Variants in LGSN observed in about 807,000 individuals in gnomAD.
The protein encoded by LGSN is lengsin.
Under a neutral mutation model 19.5 loss-of-function variants are expected in LGSN, and 21 were observed. The ratio of observed to expected loss-of-function variants is 1.07; its 90% confidence interval spans 0.76 to 1.55. LGSN has a LOEUF of 1.55. Ranked by LOEUF, LGSN falls within the 40% of genes most tolerant of loss-of-function variation. LGSN has a pLI of 0.00. For missense variants in LGSN, 673 were observed against 608.5 expected, an observed-to-expected ratio of 1.11 and a Z score of -1.12; for synonymous variants, 257 against 215.6, an observed-to-expected ratio of 1.19 and a Z score of -1.68.
the LGSN span, chr6:63,571,046 T>G: frequency 6.6e-6 from 1 of 152,230 alleles, no homozygotes; most frequent in Non-Finnish European, 1.5e-5. Context: ...GACATATTTC[T>G]CAAGTGTGCT....
At chr6:63,281,307 A>ATATATG (rs1767309202) in intron 3 of LGSN, 87 bp from the exon 4 acceptor site, 2 of 158,224 alleles carry the variant, frequency 1.3e-5, no homozygotes. Context: ...TAATGAAAAT[A>ATATATG]TATATATATA....
chr6:63,366,417 C>A, the LGSN span, among the ~76,000 whole-genome samples: 1 of 152,122 alleles, frequency 6.6e-6, no homozygotes, highest in Non-Finnish European at 1.5e-5. Flanking sequence ...GAACTACAAA[C>A]CACTGCTCAA....
intron 1 of LGSN, among the ~76,000 whole-genome samples, chr6:63,316,239 C>T (rs562988133): frequency 3.3e-5 from 5 of 152,184 alleles, no homozygotes; most frequent in East Asian, 1.9e-4. Flanking sequence ...GATAGAGCAA[C>T]GATCATTACT....
the LGSN span, among the ~76,000 whole-genome samples, chr6:63,477,676 C>CT: frequency 3.4e-5 from 2 of 58,436 alleles, no homozygotes; most frequent in Non-Finnish European, 7.6e-5. Context: ...TCTTCTTCTT[C>CT]TTCTTTTTTT....
chr6:63,412,543 A>AGAGAGAGAAGAAAGAG, the LGSN span, among the ~76,000 whole-genome samples: 27 of 139,450 alleles, frequency 1.9e-4, no homozygotes, highest in African/African-American at 7.2e-4. Flanking sequence ...AGAAAGAAAG[A>AGAGAGAGAAGAAAGAG]AAGAAAGAAA....
the LGSN span, among the ~76,000 whole-genome samples, chr6:63,549,899 T>C: frequency 1.3e-5 from 2 of 152,160 alleles, no homozygotes; most frequent in Admixed American, 1.3e-4. Context: ...TCTGTAGCAT[T>C]GTAAGATGCC....
At chr6:63,289,741 A>C (rs1481833699) in intron 2 of LGSN, among the ~76,000 whole-genome samples, 1 of 152,222 alleles carries the variant, frequency 6.6e-6, no homozygotes, top group Non-Finnish European at 1.5e-5. Flanking sequence ...AGCCATGGTC[A>C]CATATAAAAG....
At position 63,295,593 on chromosome 6, in the gene LGSN, G is replaced by A. The variant is rs115609500; in HGVS notation, c.31-548C>T. ...ATTCATAAAGTGCTATTTTGTGACT[G>A]TATTTTATATGTGTAAAACAAACAT... On this transcript the variant is annotated intron_variant, in intron 1 of 3. Coordinates refer to ENST00000370657, the MANE Select transcript of LGSN (RefSeq NM_016571.3). Among the ~76,000 whole-genome samples the A allele has an allele frequency of 2.9e-3, 448 of 152,252 alleles. 3 individuals carry two copies. Among genetic ancestry groups the A allele is most frequent in the African/African-American group, 0.01 (424 of 41,546 alleles).
the LGSN span, among the ~76,000 whole-genome samples, chr6:63,455,206 A>G: frequency 6.6e-6 from 1 of 152,344 alleles, no homozygotes; most frequent in African/African-American, 2.4e-5. Context: ...GCTATGTGAG[A>G]CATGCAAACT....
Position 63,313,875 on chromosome 6 carries a change from C to A in LGSN, c.30+6039G>T, listed in dbSNP as rs528184272. On this transcript the variant is annotated intron_variant, in intron 1 of 3. Coordinates refer to ENST00000370657, the MANE Select transcript of LGSN (RefSeq NM_016571.3). ...AAATAAATAAATAAATAAATACATA[C>A]ATACATACATACATACATGCATACA... Among the ~76,000 whole-genome samples, 12 of 151,204 alleles carry A rather than the reference C, an allele frequency of 7.9e-5. 1 individual carries two copies. The highest frequency in any genetic ancestry group is 2.7e-4 in the African/African-American group (11 of 41,196).
chr6:63,392,881 C>CTTTTTTT, the LGSN span, among the ~76,000 whole-genome samples: 213 of 109,908 alleles, frequency 1.9e-3, no homozygotes, highest in African/African-American at 3.1e-3. Flanking sequence ...TCTTCTTCTT[C>CTTTTTTT]TTTTTTTTTT....
the LGSN span, among the ~76,000 whole-genome samples, chr6:63,350,736 C>T: frequency 2.0e-5 from 3 of 152,088 alleles, no homozygotes; most frequent in South Asian, 4.1e-4. Flanking sequence ...CCTGTAATCT[C>T]AGCTATTCAG....
the LGSN span, among the ~76,000 whole-genome samples, chr6:63,329,837 G>A: frequency 6.6e-6 from 1 of 152,224 alleles, no homozygotes; most frequent in South Asian, 2.1e-4. Context: ...AAAGAGCAAA[G>A]TCTCCCAATT....
At chr6:63,436,291 G>C in the LGSN span, among the ~76,000 whole-genome samples, 1 of 152,016 alleles carries the variant, frequency 6.6e-6, no homozygotes, top group East Asian at 1.9e-4. Context: ...TTATAGAGAC[G>C]GGTTTTCACC....
chr6:63,481,568 A>T, the LGSN span, among the ~76,000 whole-genome samples: 3 of 151,464 alleles, frequency 2.0e-5, no homozygotes, highest in African/African-American at 7.3e-5. Flanking sequence ...GGATGGTGTC[A>T]ATCTCCTGAC....
At chr6:63,552,664 T>C in the LGSN span, among the ~76,000 whole-genome samples, 3 of 152,226 alleles carry the variant, frequency 2.0e-5, no homozygotes, top group Non-Finnish European at 2.9e-5. Context: ...TTTTATGGTT[T>C]TAGTTCTAAC....
the LGSN span, among the ~76,000 whole-genome samples, chr6:63,410,239 G>A: frequency 6.6e-6 from 1 of 152,036 alleles, no homozygotes; most frequent in African/African-American, 2.4e-5. Flanking sequence ...AATGTTTGTG[G>A]CTATAAGTCT....
chr6:63,417,602 T>C, the LGSN span, among the ~76,000 whole-genome samples: 7 of 152,232 alleles, frequency 4.6e-5, no homozygotes, highest in African/African-American at 1.7e-4. Flanking sequence ...ACCCTAACTA[T>C]ACTATGGCTT....
At chr6:63,486,609 C>T in the LGSN span, among the ~76,000 whole-genome samples, 6 of 151,882 alleles carry the variant, frequency 4.0e-5, no homozygotes, top group Admixed American at 2.6e-4. Flanking sequence ...ACAGCTAACC[C>T]GATCTTTCAA....
Sources: allele counts gnomAD v4.1 joint callset (sites outside exome capture counted in the v4.1 genomes callset), GRCh38; gene constraint gnomAD v4.1.1; transcripts MANE v1.5; gene names NCBI Gene and HGNC (gene_info 2026-07-23, HGNC 2026-07-21).